Variants in SLCO3A1 observed in about 807,000 individuals in gnomAD.
SLCO3A1 encodes PGE1 transporter.
Under a neutral mutation model 63.1 loss-of-function variants are expected in SLCO3A1, and 27 were observed. The ratio of observed to expected loss-of-function variants is 0.43; its 90% confidence interval spans 0.32 to 0.59. The LOEUF is 0.59. SLCO3A1 is among the 20% of genes least tolerant of loss of function. SLCO3A1 has a pLI of 0.09. For missense variants in SLCO3A1, 773 were observed against 945.8 expected, an observed-to-expected ratio of 0.82 and a Z score of 2.40; for synonymous variants, 473 against 409.9, an observed-to-expected ratio of 1.15 and a Z score of -1.86.
At chr15:91,992,885 G>T (rs527323714) in intron 2 of SLCO3A1, among the ~76,000 whole-genome samples, 1 of 152,244 alleles carries the variant, frequency 6.6e-6, no homozygotes, top group East Asian at 1.9e-4. Context: ...CTATTGCAGT[G>T]GCATTTCCCC....
At chr15:92,110,252 C>A (rs935810005) in intron 4 of SLCO3A1, among the ~76,000 whole-genome samples, 3 of 152,166 alleles carry the variant, frequency 2.0e-5, no homozygotes, top group Non-Finnish European at 4.4e-5. Flanking sequence ...CTCTCTCCAG[C>A]CTGCCCTTGA....
chr15:91,855,637 G>T (rs562066329), intron 1 of SLCO3A1, among the ~76,000 whole-genome samples: 1 of 152,162 alleles, frequency 6.6e-6, no homozygotes, highest in Non-Finnish European at 1.5e-5. Flanking sequence ...AGGGATAGGG[G>T]ATAATTGTGT....
intron 2 of SLCO3A1, among the ~76,000 whole-genome samples, chr15:91,919,173 A>G (rs147734331): frequency 6.6e-6 from 1 of 152,178 alleles, no homozygotes; most frequent in Non-Finnish European, 1.5e-5. Flanking sequence ...GCCGTGTCGT[A>G]GCTTCCACTA....
At chr15:91,963,917 C>T (rs1900558557) in intron 2 of SLCO3A1, among the ~76,000 whole-genome samples, 1 of 152,154 alleles carries the variant, frequency 6.6e-6, no homozygotes, top group African/African-American at 2.4e-5. Context: ...CTTTTATTCC[C>T]TTATTTGGCC....
At chr15:92,026,586 T>G (rs1365258405) in intron 2 of SLCO3A1, among the ~76,000 whole-genome samples, 1 of 152,226 alleles carries the variant, frequency 6.6e-6, no homozygotes, top group Non-Finnish European at 1.5e-5. Context: ...TTCTATGATT[T>G]CTGCTTTCCG....
intron 2 of SLCO3A1, among the ~76,000 whole-genome samples, chr15:92,006,001 G>T: frequency 6.6e-6 from 1 of 152,282 alleles, no homozygotes; most frequent in Non-Finnish European, 1.5e-5. Flanking sequence ...TCTTGTATGT[G>T]AAAGGAGATA....
intron 2 of SLCO3A1, among the ~76,000 whole-genome samples, chr15:92,054,002 A>G (rs1463124450): frequency 6.6e-6 from 1 of 152,138 alleles, no homozygotes; most frequent in Non-Finnish European, 1.5e-5. Flanking sequence ...ATTCTTCTGC[A>G]TGGGAGGCTT....
At chr15:91,908,016 T>C (rs1298555225) in intron 1 of SLCO3A1, among the ~76,000 whole-genome samples, 1 of 152,150 alleles carries the variant, frequency 6.6e-6, no homozygotes, top group East Asian at 1.9e-4. Context: ...ACCCCAGGCA[T>C]AACTGTGACG....
chr15:92,084,278 G>T (rs2047380169), intron 2 of SLCO3A1, among the ~76,000 whole-genome samples: 1 of 152,182 alleles, frequency 6.6e-6, no homozygotes, highest in South Asian at 2.1e-4. Context: ...AGAAAATCCT[G>T]CTGTTAGAGG....
chr15:92,109,825 C>T (rs1024669958), intron 4 of SLCO3A1, among the ~76,000 whole-genome samples: 1 of 152,084 alleles, frequency 6.6e-6, no homozygotes. Context: ...ATGTTACTTA[C>T]CTCTGTCCTG....
At chr15:92,108,913 A>G (rs1031847276) in intron 4 of SLCO3A1, among the ~76,000 whole-genome samples, 3 of 151,982 alleles carry the variant, frequency 2.0e-5, no homozygotes, top group Admixed American at 6.6e-5. Context: ...CCTGCAAAGC[A>G]CCTGGGAACA....
At chr15:92,099,549 TG>T (rs2047579356) in intron 3 of SLCO3A1, among the ~76,000 whole-genome samples, 1 of 152,162 alleles carries the variant, frequency 6.6e-6, no homozygotes, top group Admixed American at 6.5e-5. Flanking sequence ...CATGAGCGTG[TG>T]GGTGGGTTGG....
At chr15:91,857,856 A>G (rs1896963016) in intron 1 of SLCO3A1, among the ~76,000 whole-genome samples, 1 of 152,218 alleles carries the variant, frequency 6.6e-6, no homozygotes, top group Non-Finnish European at 1.5e-5. Context: ...CCTCAGGTTG[A>G]AAACTGAAAA....
chr15:92,050,491 A>G (rs1172281549), intron 2 of SLCO3A1, among the ~76,000 whole-genome samples: 8 of 152,192 alleles, frequency 5.3e-5, no homozygotes, highest in African/African-American at 1.7e-4. Flanking sequence ...GCTCTCTGGG[A>G]ATGCACACTG....
At position 92,022,283 on chromosome 15, in the gene SLCO3A1, C is replaced by T. The variant is rs74030416; in HGVS notation, c.647-72598C>T. On this transcript the variant is annotated intron_variant, in intron 2 of 9. Transcript: ENST00000318445. ...CTGACTTAGGTACAGTATGTGGATT[C>T]GACTGATTGTATTTAGGAACAAAAA... Among the ~76,000 whole-genome samples the T allele has an allele frequency of 7.0e-3, 1,066 of 152,278 alleles. 10 individuals carry two copies. The highest frequency in any genetic ancestry group is 0.021 in the African/African-American group (882 of 41,550).
chr15:91,953,032 G>A (rs1900050212), intron 2 of SLCO3A1, among the ~76,000 whole-genome samples: 1 of 152,154 alleles, frequency 6.6e-6, no homozygotes, highest in Admixed American at 6.5e-5. Flanking sequence ...GAAGTAGATA[G>A]GCATCAACCT....
At chr15:91,984,265 G>C (rs1376156021) in intron 2 of SLCO3A1, among the ~76,000 whole-genome samples, 1 of 152,104 alleles carries the variant, frequency 6.6e-6, no homozygotes, top group Non-Finnish European at 1.5e-5. Flanking sequence ...TATTACTCAA[G>C]GTTTGAAGGG....
At chr15:91,995,458 A>T (rs925921609) in intron 2 of SLCO3A1, among the ~76,000 whole-genome samples, 1 of 152,198 alleles carries the variant, frequency 6.6e-6, no homozygotes, top group Non-Finnish European at 1.5e-5. Context: ...ATAGGAAGCT[A>T]ATGGTTAGGA....
chr15:91,927,975 A>G (rs559327538), intron 2 of SLCO3A1, among the ~76,000 whole-genome samples: 1 of 152,348 alleles, frequency 6.6e-6, no homozygotes, highest in Admixed American at 6.5e-5. Context: ...ATCAAGGTAG[A>G]TCTACCATAT....
Sources: allele counts gnomAD v4.1 joint callset (sites outside exome capture counted in the v4.1 genomes callset), GRCh38; gene constraint gnomAD v4.1.1; transcripts MANE v1.5; gene names NCBI Gene and HGNC (gene_info 2026-07-23, HGNC 2026-07-21).